FARS2: variants seen among roughly 807,000 people sequenced by gnomAD.
The protein encoded by FARS2 is phenylalanine--tRNA ligase, mitochondrial.
FARS2 carries 40 observed loss-of-function variants against 46.4 expected under a neutral mutation model. That is an observed-to-expected ratio of 0.86 (90% confidence interval 0.67 to 1.12). The LOEUF (loss-of-function observed/expected upper bound fraction) is 1.12, where lower values mean the gene tolerates loss of function less well. Among genes scored for constraint, FARS2 ranks in the 50% most tolerant of loss-of-function variants. FARS2 has a pLI of 0.00. For missense variants in FARS2, 513 were observed against 567.9 expected (o/e 0.90, Z 0.98); for synonymous variants, 234 against 214.9 (o/e 1.09, Z -0.78).
chr6:5,472,575 G>T (rs554555375), intron 4 of FARS2, among the ~76,000 whole-genome samples: 1 of 152,202 alleles, frequency 6.6e-6, no homozygotes, highest in African/African-American at 2.4e-5. Context: ...CCTTTCTGTT[G>T]CCCATTTATT....
intron 5 of FARS2, among the ~76,000 whole-genome samples, chr6:5,560,618 A>G (rs1771930376): frequency 6.6e-6 from 1 of 152,140 alleles, no homozygotes; most frequent in African/African-American, 2.4e-5. Flanking sequence ...TAGCCTCTGG[A>G]ATAATATTTT....
intron 1 of FARS2, among the ~76,000 whole-genome samples, chr6:5,265,484 G>C (rs2127807225): frequency 6.6e-6 from 1 of 152,306 alleles, no homozygotes; most frequent in South Asian, 2.1e-4. Flanking sequence ...CAGCTGAGCT[G>C]TTGAAATGGA....
At chr6:5,464,350 T>A (rs1001588924) in intron 4 of FARS2, among the ~76,000 whole-genome samples, 1 of 152,224 alleles carries the variant, frequency 6.6e-6, no homozygotes, top group Non-Finnish European at 1.5e-5. Flanking sequence ...TGACCTGGAC[T>A]GGCCCTCAGG....
At chr6:5,741,296 G>A (rs1012432622) in intron 6 of FARS2, among the ~76,000 whole-genome samples, 1 of 152,238 alleles carries the variant, frequency 6.6e-6, no homozygotes, top group African/African-American at 2.4e-5. Context: ...TATGCTGACT[G>A]CACGGGAGAT....
rs556060339 is a variant in FARS2, at chr6:5,727,802, G to A, written c.1218-43489G>A. On this transcript the variant is annotated intron_variant, in intron 6 of 6. Transcript: ENST00000274680. The surrounding 1 kb of genome is among the most constrained non-coding windows in gnomAD (Gnocchi z 4.1). ...CCTCGAGCTTCTATACATTCTGCTC[G>A]TTGCCATGTGTCCCCAGCACTTGGA... Among the ~76,000 whole-genome samples the A allele has an allele frequency of 1.3e-5, 2 of 152,142 alleles. No individual in the cohort carries two copies. Among genetic ancestry groups the A allele is most frequent in the Admixed American group, 6.5e-5 (1 of 15,278 alleles).
chr6:5,482,053 T>C (rs768685007), intron 4 of FARS2, among the ~76,000 whole-genome samples: 5 of 152,258 alleles, frequency 3.3e-5, no homozygotes, highest in South Asian at 2.1e-4. Context: ...CGAGGAAACA[T>C]GCTTCCTCTT....
intron 2 of FARS2, among the ~76,000 whole-genome samples, chr6:5,379,305 G>C (rs1488100936): frequency 6.6e-6 from 1 of 152,208 alleles, no homozygotes; most frequent in Non-Finnish European, 1.5e-5. Flanking sequence ...TGCTTGTCTA[G>C]TTGGGTATTC....
intron 4 of FARS2, among the ~76,000 whole-genome samples, chr6:5,503,397 CACACACACAGAG>C (rs1208315517): frequency 2.4e-4 from 17 of 71,594 alleles, no homozygotes; most frequent in African/African-American, 3.7e-4. Flanking sequence ...CACACACACA[CACACACACAGAG>C]AGAGAGAGAG....
intron 4 of FARS2, among the ~76,000 whole-genome samples, chr6:5,497,830 A>G (rs1479266767): frequency 6.6e-6 from 1 of 152,216 alleles, no homozygotes; most frequent in Non-Finnish European, 1.5e-5. Flanking sequence ...TACCCTAAAT[A>G]AGTAATTCAT....
chr6:5,306,278 A>C (rs75399400), intron 1 of FARS2, among the ~76,000 whole-genome samples: 2,812 of 152,274 alleles, frequency 0.018, 79 homozygotes, highest in African/African-American at 0.059. Flanking sequence ...AGCTAAATGC[A>C]TTAATAGTGA....
At chr6:5,732,231 G>C (rs927288862) in intron 6 of FARS2, among the ~76,000 whole-genome samples, 17 of 152,312 alleles carry the variant, frequency 1.1e-4, no homozygotes, top group African/African-American at 3.1e-4. Flanking sequence ...GTCAACAAAT[G>C]GCTCTAGTAG....
At chr6:5,442,025 G>T (rs968054703) in intron 4 of FARS2, among the ~76,000 whole-genome samples, 1 of 152,120 alleles carries the variant, frequency 6.6e-6, no homozygotes, top group African/African-American at 2.4e-5. Context: ...GAGCCCAGGA[G>T]ATCAGGGCTG....
intron 4 of FARS2, among the ~76,000 whole-genome samples, chr6:5,438,235 A>ACCC (rs1304382253): frequency 2.4e-4 from 3 of 12,420 alleles, no homozygotes; most frequent in Admixed American, 1.2e-3. Flanking sequence ...CAAGGCTTCT[A>ACCC]CCCACCCCCC....
chr6:5,692,961 G>C (rs1057073664), intron 6 of FARS2, among the ~76,000 whole-genome samples: 5 of 152,110 alleles, frequency 3.3e-5, no homozygotes, highest in Admixed American at 2.0e-4. Flanking sequence ...CAGAAATGAG[G>C]ATCCTTATAG....
chr6:5,426,187 A>G (rs1762839675), intron 3 of FARS2, among the ~76,000 whole-genome samples: 1 of 152,168 alleles, frequency 6.6e-6, no homozygotes, highest in Non-Finnish European at 1.5e-5. Flanking sequence ...AAATAGGAAA[A>G]AAAACCTTGG....
intron 6 of FARS2, among the ~76,000 whole-genome samples, chr6:5,668,852 C>A (rs569218350): frequency 1.5e-4 from 23 of 152,044 alleles, no homozygotes; most frequent in Admixed American, 9.8e-4. Context: ...CACCATCACG[C>A]CCTGCTAATT....
chr6:5,306,798 A>C (rs1441818151), intron 1 of FARS2, among the ~76,000 whole-genome samples: 3 of 152,182 alleles, frequency 2.0e-5, no homozygotes, highest in Non-Finnish European at 1.5e-5. Context: ...GTCACATGGT[A>C]AAAAGAAGTT....
chr6:5,326,154 G>T (rs1770363855), intron 1 of FARS2, among the ~76,000 whole-genome samples: 1 of 152,178 alleles, frequency 6.6e-6, no homozygotes, highest in Admixed American at 6.5e-5. Context: ...AAGGAGACTG[G>T]CCCAATATGG....
intron 5 of FARS2, among the ~76,000 whole-genome samples, chr6:5,596,219 T>C (rs1159131152): frequency 2.0e-5 from 3 of 152,174 alleles, no homozygotes; most frequent in African/African-American, 7.2e-5. Flanking sequence ...TTTGTTGGTG[T>C]GCTGTGATTG....
Sources: gnomAD v4.1 joint callset for allele counts (sites outside exome capture counted in the v4.1 genomes callset) on GRCh38, gnomAD v4.1.1 for gene constraint, Gnocchi (gnomAD v3.1) non-coding constraint, MANE v1.5 for transcripts, NCBI Gene and HGNC (gene_info 2026-07-23, HGNC 2026-07-21) for gene names.